KPNA5: variants seen among roughly 807,000 people sequenced by gnomAD.
The protein encoded by KPNA5 is importin subunit alpha-6.
In KPNA5, 46 loss-of-function variants were observed where a neutral mutation model predicts 71.3. That is an observed-to-expected ratio of 0.65 (90% CI 0.51 to 0.83). The LOEUF is 0.83. Among genes scored for constraint, KPNA5 ranks in the 40% least tolerant of loss-of-function variants. The pLI, the probability that KPNA5 is intolerant of heterozygous loss-of-function variation, is 0.00. For synonymous variants in KPNA5, 207 were observed against 201.4 expected (o/e 1.03, Z -0.24); for missense variants, 547 against 628.3 (o/e 0.87, Z 1.38).
intron 7 of KPNA5, among the ~76,000 whole-genome samples, chr6:116,710,847 T>A (rs1778633660): frequency 6.9e-6 from 1 of 144,230 alleles, no homozygotes; most frequent in African/African-American, 2.5e-5. Flanking sequence ...GTCTCTACTT[T>A]CATTCTTAAT....
At chr6:116,686,609 T>A (rs1322883840) in intron 1 of KPNA5, among the ~76,000 whole-genome samples, 1 of 152,180 alleles carries the variant, frequency 6.6e-6, no homozygotes, top group Non-Finnish European at 1.5e-5. Flanking sequence ...CGTGATGAAA[T>A]CTCTGACTAT....
At position 116,689,176 on chromosome 6, in the gene KPNA5, A is replaced by G. The variant is rs148103924; in HGVS notation, c.5-144A>G. 3,110 of 745,946 alleles carry G rather than the reference A, an allele frequency of 4.2e-3. 77 individuals carry two copies. Among genetic ancestry groups the G allele is most frequent in the South Asian group, 0.033 (1,805 of 53,998 alleles). 46.2% of individuals were successfully genotyped at this position (745,946 alleles called of 1,614,324 possible). A position where few individuals can be genotyped will look rare whatever the true frequency, so the allele number is the denominator to read the frequency against. On this transcript the variant is annotated intron_variant, in intron 1 of 13. Coordinates refer to ENST00000368564, the MANE Select transcript of KPNA5 (RefSeq NM_001366306.2). The stretch of plus-strand genomic sequence containing the variant: ...CTAATCTTGATGTGGAATTAAGGGA[A>G]TGTATTCTTTGTACATAATTTTCAG...
At chr6:116,706,290 A>T (rs547999596) in intron 7 of KPNA5, among the ~76,000 whole-genome samples, 1 of 152,368 alleles carries the variant, frequency 6.6e-6, no homozygotes, top group Admixed American at 6.5e-5. Flanking sequence ...TCTTAGGTCT[A>T]ATCTCTTTAA....
At chr6:116,729,237 A>C (rs986874199) in intron 12 of KPNA5, among the ~76,000 whole-genome samples, 1 of 148,084 alleles carries the variant, frequency 6.8e-6, no homozygotes, top group African/African-American at 2.5e-5. Context: ...AAAAAAAAAC[A>C]ACCTTTCGAA....
chr6:116,710,883 ATATATATATATTTTTTTTTTTTTTT>A (rs1778639043), intron 7 of KPNA5, among the ~76,000 whole-genome samples: 1 of 71,414 alleles, frequency 1.4e-5, no homozygotes, highest in African/African-American at 8.6e-5. Flanking sequence ...TTATATATAT[ATATATATATATTTTTTTTTTTTTTT>A]TTTTGAGTTG....
At chr6:116,731,116 CATTT>C (rs139294991) in intron 13 of KPNA5, among the ~76,000 whole-genome samples, 1 of 152,104 alleles carries the variant, frequency 6.6e-6, no homozygotes, top group East Asian at 1.9e-4. Flanking sequence ...GTTCTTAAAA[CATTT>C]AATCATATGG....
intron 13 of KPNA5, among the ~76,000 whole-genome samples, 163 bp from the exon 14 acceptor site, chr6:116,731,973 C>T (rs977067454): frequency 6.7e-6 from 1 of 150,242 alleles, no homozygotes; most frequent in African/African-American, 2.4e-5. Context: ...TCGGTATGTG[C>T]AACAGTTAGA....
intron 12 of KPNA5, among the ~76,000 whole-genome samples, chr6:116,729,049 A>G (rs2114502104): frequency 6.6e-6 from 1 of 151,994 alleles, no homozygotes; most frequent in East Asian, 1.9e-4. Flanking sequence ...TCTGAAACAC[A>G]GTATATGTTT....
intron 1 of KPNA5, among the ~76,000 whole-genome samples, chr6:116,683,081 T>A (rs1418020088): frequency 6.6e-6 from 1 of 152,228 alleles, no homozygotes; most frequent in Non-Finnish European, 1.5e-5. Context: ...GTCTCATAAG[T>A]AGCGCCTTTG....
chr6:116,724,324 T>C lies in KPNA5; in HGVS notation c.948T>C (p.Pro316=). ...ACAATGATTATAAAGTTGTATCACCTGCATTAAGGGCAGTTGGTAATATTG... is the reference window on the plus strand; with the variant it reads ...ACAATGATTATAAAGTTGTATCACCCGCATTAAGGGCAGTTGGTAATATTG... ...LMHNDYKVVS[P]ALRAVGNIVT... Residue 316 remains proline, a synonymous_variant, in exon 10 of 14, where the codon CCT becomes CCC. Coordinates refer to ENST00000368564, the MANE Select transcript of KPNA5 (RefSeq NM_001366306.2). 1 of 1,609,914 alleles carries C rather than the reference T, an allele frequency of 6.2e-7. No homozygotes were observed. Among genetic ancestry groups the C allele is most frequent in the Non-Finnish European group, 8.5e-7 (1 of 1,176,584 alleles).
At position 116,739,788 on chromosome 6, in the gene KPNA5, A is replaced by G. The variant is rs977710213; in HGVS notation, c.*7465A>G. 6.6e-6 allele frequency: 1 copy of G among 151,826 alleles called. No individual in the cohort carries two copies. The highest frequency in any genetic ancestry group is 6.6e-5 in the Admixed American group (1 of 15,256). 9.4% of individuals were successfully genotyped at this position (151,826 alleles called of 1,614,324 possible). A position where few individuals can be genotyped will look rare whatever the true frequency, so the allele number is the denominator to read the frequency against. ...ATAAATGGTGCTGGGAAAACTGGCT[A>G]GCCATATGTAGAAAGCTGAAACTGT... On this transcript the variant is annotated 3_prime_UTR_variant, in exon 14 of 14. Transcript: ENST00000368564.
chr6:116,730,516 G>A (rs186943484), intron 13 of KPNA5, among the ~76,000 whole-genome samples: 39 of 152,072 alleles, frequency 2.6e-4, no homozygotes, highest in African/African-American at 8.4e-4. Context: ...CTGTGTATAT[G>A]TTTATTTCTT....
intron 1 of KPNA5, among the ~76,000 whole-genome samples, chr6:116,687,639 T>G (rs186262551): frequency 4.6e-5 from 7 of 152,318 alleles, no homozygotes; most frequent in Admixed American, 4.6e-4. Context: ...CCATCCGTAT[T>G]CTCTGTCTTA....
chr6:116,709,755 A>G (rs1057343884), intron 7 of KPNA5, among the ~76,000 whole-genome samples: 3 of 150,942 alleles, frequency 2.0e-5, no homozygotes, highest in Non-Finnish European at 3.0e-5. Flanking sequence ...CTGTTGAGGT[A>G]GTTTCCTTCT....
At chr6:116,692,874 A>G (rs186205812) in intron 4 of KPNA5, among the ~76,000 whole-genome samples, 110 of 152,240 alleles carry the variant, frequency 7.2e-4, no homozygotes, top group Admixed American at 1.8e-3. Context: ...TCCTAATGCT[A>G]TCCCTCCTCC....
chr6:116,682,875 C>A (rs576086891), intron 1 of KPNA5, among the ~76,000 whole-genome samples: 168 of 152,276 alleles, frequency 1.1e-3, no homozygotes, highest in Non-Finnish European at 1.6e-3. Flanking sequence ...GGATGGGGCC[C>A]CTTTAGAGAT....
chr6:116,710,893 A>ATATATAT (rs1302327650), intron 7 of KPNA5, among the ~76,000 whole-genome samples: 1 of 86,768 alleles, frequency 1.2e-5, no homozygotes, highest in African/African-American at 4.5e-5. Flanking sequence ...ATATATATAT[A>ATATATAT]TTTTTTTTTT....
chr6:116,739,388 A>T lies in KPNA5; in HGVS notation c.*7065A>T, dbSNP rs1238953312. ...GGAAGAACATTCCATGCTCATGGGT[A>T]GGAAGAATCAATATCGTGAAAATGG... is the stretch of plus-strand genomic sequence containing the variant. On this transcript the variant is annotated 3_prime_UTR_variant, in exon 14 of 14. Transcript: ENST00000368564. 2.0e-5 allele frequency: 3 copies of T among 152,290 alleles called. No homozygotes were observed. In the East Asian group the frequency reaches 5.8e-4, roughly 29 times the overall value. The allele number at this position is 152,290 out of a possible 1,614,324, so 9.4% of individuals were successfully genotyped here.
At position 116,732,749 on chromosome 6, in the gene KPNA5, C is replaced by T. The variant is rs1041900672; in HGVS notation, c.*426C>T. ...ACACATCTAATCTCTACTAAATCTA[C>T]CTCTATCTTGAAGCAGAAATAAAAA... On this transcript the variant is annotated 3_prime_UTR_variant, in exon 14 of 14. Transcript: ENST00000368564. 6.6e-6 allele frequency: 1 copy of T among 151,820 alleles called. No individual in the cohort carries two copies. The highest frequency in any genetic ancestry group is 2.4e-5 in the African/African-American group (1 of 41,356). The allele number at this position is 151,820 out of a possible 1,614,324, so 9.4% of individuals were successfully genotyped here.
Sources: gnomAD v4.1 joint callset for allele counts (sites outside exome capture counted in the v4.1 genomes callset) on GRCh38, gnomAD v4.1.1 for gene constraint, MANE v1.5 for transcripts, NCBI Gene and HGNC (gene_info 2026-07-23, HGNC 2026-07-21) for gene names.